Variants in LMNA observed in about 807,000 individuals in gnomAD.
LMNA encodes lamin A/C.
Under a neutral mutation model 70.4 loss-of-function variants are expected in LMNA, and 20 were observed. The observed-to-expected ratio is 0.28, with a 90% CI of 0.20 to 0.41. The LOEUF (loss-of-function observed/expected upper bound fraction) is 0.41. LMNA is among the 10% of genes least tolerant of loss of function. LMNA has a pLI of 1.00. For missense variants in LMNA, 652 were observed against 917.2 expected, an observed-to-expected ratio of 0.71 and a Z score of 3.73; for synonymous variants, 339 against 372.8, an observed-to-expected ratio of 0.91 and a Z score of 1.04.
At chr1:156,126,264 C>A in intron 1 of LMNA, 2 of 1,439,568 alleles carry the variant, frequency 1.4e-6, no homozygotes, top group South Asian at 1.3e-5. Flanking sequence ...GGAGTCCCTG[C>A]AGGGCTGGGC....
chr1:156,130,184 T>C (rs1319060205), intron 1 of LMNA, among the ~76,000 whole-genome samples: 1 of 152,100 alleles, frequency 6.6e-6, no homozygotes, highest in East Asian at 1.9e-4. Context: ...AGCTTAGTTG[T>C]CAGGCTCCTC....
Position 156,115,342 on chromosome 1 carries a change from C to T in LMNA, c.356+68C>T, listed in dbSNP as rs1409214844. ...AGGGCGGCGGGCCGGCGCCCCTGGC[C>T]GGCCGCAGGAAGGGAGTGAGAGGGC... is the stretch of plus-strand genomic sequence containing the variant. On this transcript the variant is annotated intron_variant, in intron 1 of 11. Transcript: ENST00000368300. The surrounding 1 kb of genome is among the most constrained non-coding windows in gnomAD (Gnocchi z 5.8). 51 of 1,426,090 alleles carry T rather than the reference C, an allele frequency of 3.6e-5. No individual in the cohort carries two copies. Among genetic ancestry groups the T allele is most frequent in the Non-Finnish European group, 4.8e-5 (50 of 1,043,066 alleles). 88.3% of individuals were successfully genotyped at this position (1,426,090 alleles called of 1,614,324 possible).
At chr1:156,119,166 G>C (rs1420904957) in intron 1 of LMNA, among the ~76,000 whole-genome samples, 1 of 150,720 alleles carries the variant, frequency 6.6e-6, no homozygotes, top group African/African-American at 2.4e-5. Flanking sequence ...TTGCCAGGCT[G>C]GAGTGCAGTG....
intron 1 of LMNA, among the ~76,000 whole-genome samples, chr1:156,117,789 C>A (rs778326563): frequency 6.6e-6 from 1 of 151,962 alleles, no homozygotes; most frequent in Non-Finnish European, 1.5e-5. Context: ...CCACACCTGT[C>A]CTTTTCTTTA....
At chr1:156,130,575 C>T (rs1572352777) in intron 1 of LMNA, 42 bp from the exon 2 acceptor site, 1 of 1,609,308 alleles carries the variant, frequency 6.2e-7, no homozygotes, top group Admixed American at 1.7e-5. Context: ...TCTAGGCACA[C>T]AGACTCCTTC....
At chr1:156,124,739 G>C (rs1239499728) in intron 1 of LMNA, among the ~76,000 whole-genome samples, 1 of 152,214 alleles carries the variant, frequency 6.6e-6, no homozygotes, top group Admixed American at 6.5e-5. Context: ...GGGTTGGGGG[G>C]GAGGTAGGGG....
At chr1:156,121,286 C>T (rs945702643) in intron 1 of LMNA, among the ~76,000 whole-genome samples, 11 of 151,950 alleles carry the variant, frequency 7.2e-5, no homozygotes, top group African/African-American at 2.7e-4. Flanking sequence ...GGGGCTTAAG[C>T]AGTCCACCCA....
At position 156,135,092 on chromosome 1, in the gene LMNA, C is replaced by G; in HGVS notation, c.811-95C>G. On this transcript the variant is annotated intron_variant, in intron 4 of 11. Transcript: ENST00000368300. The surrounding 1 kb of genome is among the most constrained non-coding windows in gnomAD (Gnocchi z 4.8). ...ATGGTGGCAGGGAGCTCAGGGTGGC[C>G]CAGGACCTGGGGCTGTAGCAGTGAT... 3.1e-6 allele frequency: 5 copies of G among 1,610,796 alleles called. No individual in the cohort carries two copies. Among genetic ancestry groups the G allele is most frequent in the Non-Finnish European group, 4.2e-6 (5 of 1,177,652 alleles).
Position 156,137,483 on chromosome 1 carries a change from C to A in LMNA, c.1609-171C>A. 1 of 790,464 alleles carries A rather than the reference C, an allele frequency of 1.3e-6. No individual in the cohort carries two copies. Among genetic ancestry groups the A allele is most frequent in the Non-Finnish European group, 2.1e-6 (1 of 471,640 alleles). 49.0% of individuals were successfully genotyped at this position (790,464 alleles called of 1,614,324 possible). A position where few individuals can be genotyped will look rare whatever the true frequency, so the allele number is the denominator to read the frequency against. On this transcript the variant is annotated intron_variant, in intron 9 of 11. Transcript: ENST00000368300. This position sits in a 1 kb window ranked among gnomAD's most constrained non-coding sequence, Gnocchi z 4.6. ...CCTACCCGGAGAGCTTGACAGTGTC[C>A]CTCTGGGGTGGAAATGAGTTCCTTA...
intron 2 of LMNA, among the ~76,000 whole-genome samples, chr1:156,087,444 T>C (rs1253897458): frequency 1.3e-5 from 2 of 152,084 alleles, no homozygotes; most frequent in African/African-American, 2.4e-5. Flanking sequence ...GGTTTCATCA[T>C]GTTGCCCAGG....
At chr1:156,090,645 G>A (rs1263596446) in intron 3 of LMNA, 2 of 152,434 alleles carry the variant, frequency 1.3e-5, no homozygotes, top group Non-Finnish European at 1.5e-5. Context: ...GGACCCCAGA[G>A]GTAGACAGTG....
chr1:156,131,826 T>C (rs529677946), intron 2 of LMNA, among the ~76,000 whole-genome samples: 16 of 152,216 alleles, frequency 1.1e-4, no homozygotes, highest in Non-Finnish European at 1.8e-4. Flanking sequence ...TTTGTGTATA[T>C]AGAGTGGCCT....
At chr1:156,133,302 G>T (rs1651241579) in intron 2 of LMNA, among the ~76,000 whole-genome samples, 1 of 152,032 alleles carries the variant, frequency 6.6e-6, no homozygotes, top group African/African-American at 2.4e-5. Context: ...GCTGGGTGTG[G>T]TGGCTCACGC....
In LMNA at chr1:156,135,803, G is replaced by A. The variant is rs1455411183; in HGVS notation, c.937-98G>A. On this transcript the variant is annotated intron_variant, in intron 5 of 11. Coordinates refer to ENST00000368300, the MANE Select transcript of LMNA (RefSeq NM_170707.4). The surrounding 1 kb of genome is among the most constrained non-coding windows in gnomAD (Gnocchi z 4.8). ...TGGGGAAGCTCTGATTGCAGATCCT[G>A]GAGAGAGTAGCCAGGTGTCTCCTAC... 6 of 971,728 alleles carry A rather than the reference G, an allele frequency of 6.2e-6. No homozygotes were observed. Among genetic ancestry groups the A allele is most frequent in the South Asian group, 1.4e-5 (1 of 72,436 alleles). 60.2% of individuals were successfully genotyped at this position (971,728 alleles called of 1,614,324 possible).
At position 156,136,581 on chromosome 1, in the gene LMNA, T is replaced by TCCAGGAG; in HGVS notation, c.1380+150_1380+151insAGCCAGG. The TCCAGGAG allele has an allele frequency of 1.1e-6, 1 of 878,200 alleles. No homozygotes were observed. Among genetic ancestry groups the TCCAGGAG allele is most frequent in the Non-Finnish European group, 1.8e-6 (1 of 549,134 alleles). 54.4% of individuals were successfully genotyped at this position (878,200 alleles called of 1,614,324 possible). ...CTGTATATCTCCTCCACACTCTGGT[T>TCCAGGAG]CCAGGCCTGGCTCCTGGACTCTTTG... is the stretch of plus-strand genomic sequence containing the variant. On this transcript the variant is annotated intron_variant, in intron 7 of 11. Coordinates refer to ENST00000368300, the MANE Select transcript of LMNA (RefSeq NM_170707.4). This position sits in a 1 kb window ranked among gnomAD's most constrained non-coding sequence, Gnocchi z 6.1.
At chr1:156,126,239 G>A in intron 1 of LMNA, 1 of 1,517,184 alleles carries the variant, frequency 6.6e-7, no homozygotes, top group Non-Finnish European at 8.8e-7. Context: ...CAGGGCTGCT[G>A]AGGAGTGGGT....
At chr1:156,090,144 C>G (rs112575745) in intron 2 of LMNA, among the ~76,000 whole-genome samples, 29 of 152,200 alleles carry the variant, frequency 1.9e-4, no homozygotes, top group African/African-American at 6.3e-4. Context: ...AAGGTACTAA[C>G]GAGATTCTGC....
Position 156,100,171 on chromosome 1 carries a change from G to C in LMNA, c.-207+9589G>C, listed in dbSNP as rs541698031. The stretch of plus-strand genomic sequence containing the variant: ...GCAGGTTCCTCTCCACTCACTTAGA[G>C]GGAGTTCTCCTCTATAAAATGAGAA... On this transcript the variant is annotated intron_variant, in intron 3 of 12. Coordinates refer to the LMNA transcript ENST00000368301. Among the ~76,000 whole-genome samples, 7 of 152,304 alleles carry C rather than the reference G, an allele frequency of 4.6e-5. No individual in the cohort carries two copies. In the East Asian group the frequency reaches 1.4e-3, roughly 29 times the overall value.
intron 2 of LMNA, among the ~76,000 whole-genome samples, chr1:156,084,141 C>T (rs1648382980): frequency 6.6e-6 from 1 of 152,066 alleles, no homozygotes; most frequent in Non-Finnish European, 1.5e-5. Flanking sequence ...AAACAAAAAT[C>T]TGAACTAGTT....
Sources: gnomAD v4.1 joint callset for allele counts (sites outside exome capture counted in the v4.1 genomes callset) on GRCh38, gnomAD v4.1.1 for gene constraint, Gnocchi (gnomAD v3.1) non-coding constraint, MANE v1.5 for transcripts, NCBI Gene and HGNC (gene_info 2026-07-23, HGNC 2026-07-21) for gene names.